The following KIRREL3 variants were observed in gnomAD, a reference collection of about 807,000 sequenced individuals.
KIRREL3 encodes kirre like nephrin family adhesion molecule 3.
In KIRREL3, 36 loss-of-function variants were observed where a neutral mutation model predicts 89.7. The observed-to-expected ratio is 0.40, with a 90% CI of 0.31 to 0.53. KIRREL3 has a LOEUF of 0.53. Among genes scored for constraint, KIRREL3 ranks in the 20% least tolerant of loss-of-function variants. The pLI is 0.49. For missense variants in KIRREL3, 864 were observed against 1,056.6 expected (o/e 0.82, Z 2.53); for synonymous variants, 445 against 441.4 (o/e 1.01, Z -0.10).
intron 1 of KIRREL3, among the ~76,000 whole-genome samples, chr11:126,581,037 A>G (rs1941520265): frequency 6.6e-6 from 1 of 152,090 alleles, no homozygotes; most frequent in Non-Finnish European, 1.5e-5. Context: ...TTCTCAAACC[A>G]TGCCTGCAAT....
chr11:126,919,041 T>C lies in KIRREL3; in HGVS notation c.55+81414A>G, dbSNP rs554493235. Among the ~76,000 whole-genome samples, 3 of 150,514 alleles carry C rather than the reference T, an allele frequency of 2.0e-5. No individual in the cohort carries two copies. The East Asian group carries it at 5.8e-4, about 29-fold the overall frequency. On this transcript the variant is annotated intron_variant, in intron 1 of 16. Coordinates refer to ENST00000525144, the MANE Select transcript of KIRREL3 (RefSeq NM_032531.4). ...TGTATTATTATGTGTATTAATACTA[T>C]ATTATATATAATATGATGTATTGCT...
chr11:126,568,591 G>T lies in KIRREL3; in HGVS notation c.56-5679C>A, dbSNP rs1434849107. Among the ~76,000 whole-genome samples, 3 of 152,212 alleles carry T rather than the reference G, an allele frequency of 2.0e-5. No individual in the cohort carries two copies. The highest frequency in any genetic ancestry group is 7.2e-5 in the African/African-American group (3 of 41,456). ...CAGGGAGGCCACATGGGGCAGGGGA[G>T]GTTTCAGAACTAACAGAGCTGGCTG... On this transcript the variant is annotated intron_variant, in intron 1 of 16. Transcript: ENST00000525144. This position sits in a 1 kb window ranked among gnomAD's most constrained non-coding sequence, Gnocchi z 4.6.
intron 1 of KIRREL3, among the ~76,000 whole-genome samples, chr11:126,706,207 AT>A (rs1400539293): frequency 1.3e-5 from 2 of 152,190 alleles, no homozygotes; most frequent in Non-Finnish European, 2.9e-5. Context: ...CAGTGGCTAT[AT>A]TTTGGGATAG....
At position 126,459,024 on chromosome 11, in the gene KIRREL3, G is replaced by A. The variant is rs570710091; in HGVS notation, c.743-2570C>T. Among the ~76,000 whole-genome samples the A allele has an allele frequency of 1.3e-4, 20 of 152,328 alleles. No homozygotes were observed. In the South Asian group the frequency reaches 3.5e-3, roughly 27 times the overall value. ...CTCAGGGAGGAGCCTGCATCTCGCC[G>A]TGGGTTGGAGAAGTGGAGGTGGGGC... is the stretch of plus-strand genomic sequence containing the variant. On this transcript the variant is annotated intron_variant, in intron 6 of 16. Coordinates refer to ENST00000525144, the MANE Select transcript of KIRREL3 (RefSeq NM_032531.4). The surrounding 1 kb of genome is among the most constrained non-coding windows in gnomAD (Gnocchi z 4.8).
chr11:126,815,643 C>G (rs1951542604), intron 1 of KIRREL3, among the ~76,000 whole-genome samples: 2 of 152,172 alleles, frequency 1.3e-5, no homozygotes, highest in African/African-American at 4.8e-5. Context: ...ACGCCATTCT[C>G]CTGCCTCAGC....
In KIRREL3 at chr11:126,943,401, A is replaced by C. The variant is rs1948519660; in HGVS notation, c.55+57054T>G. Reference sequence around the variant, plus strand: ...CTCCTCGGAACAATCTGATACCATTATCACTGACATCATCAAAAGAAGTTC... The same window carrying C: ...CTCCTCGGAACAATCTGATACCATTCTCACTGACATCATCAAAAGAAGTTC... On this transcript the variant is annotated intron_variant, in intron 1 of 16. Coordinates refer to ENST00000525144, the MANE Select transcript of KIRREL3 (RefSeq NM_032531.4). This position sits in a 1 kb window ranked among gnomAD's most constrained non-coding sequence, Gnocchi z 4.2. 6.6e-6 allele frequency among the ~76,000 whole-genome samples: 1 copy of C among 152,224 alleles called. No homozygotes were observed. The highest frequency in any genetic ancestry group is 2.1e-4 in the South Asian group (1 of 4,832).
chr11:126,621,345 G>GA (rs1354798905), intron 1 of KIRREL3, among the ~76,000 whole-genome samples: 1 of 152,142 alleles, frequency 6.6e-6, no homozygotes, highest in Non-Finnish European at 1.5e-5. Flanking sequence ...CCAGCTAAAG[G>GA]AAAAATAGGA....
chr11:126,716,843 T>C (rs1257387335), intron 1 of KIRREL3, among the ~76,000 whole-genome samples: 2 of 151,922 alleles, frequency 1.3e-5, no homozygotes, highest in African/African-American at 4.8e-5. Context: ...ATCCACCCAT[T>C]ATTTGCAGTG....
rs555939901 is a variant in KIRREL3 at position 126,776,919 on chromosome 11, G to A, written c.56-214007C>T. ...CGGTGCCCATGGGAAGCCTCCAAAA[G>A]TCTTGAAAGTTTGGATTTGCAATCA... On this transcript the variant is annotated intron_variant, in intron 1 of 16. Coordinates refer to ENST00000525144, the MANE Select transcript of KIRREL3 (RefSeq NM_032531.4). This position sits in a 1 kb window ranked among gnomAD's most constrained non-coding sequence, Gnocchi z 4.7. Among the ~76,000 whole-genome samples, 39 of 152,320 alleles carry A rather than the reference G, an allele frequency of 2.6e-4. 1 individual carries two copies. In the South Asian group the frequency reaches 7.5e-3, roughly 29 times the overall value.
intron 1 of KIRREL3, among the ~76,000 whole-genome samples, chr11:126,928,917 G>A (rs1010867365): frequency 6.6e-6 from 1 of 152,150 alleles, no homozygotes; most frequent in Non-Finnish European, 1.5e-5. Flanking sequence ...TGGGAGCCAT[G>A]AGCAAACCCA....
chr11:126,888,536 C>A (rs1945787007), intron 1 of KIRREL3, among the ~76,000 whole-genome samples: 1 of 152,166 alleles, frequency 6.6e-6, no homozygotes, highest in East Asian at 1.9e-4. Context: ...AGACCAGAGG[C>A]CCTGAATCAG....
At chr11:126,947,630 G>A (rs1479751211) in intron 1 of KIRREL3, among the ~76,000 whole-genome samples, 1 of 152,210 alleles carries the variant, frequency 6.6e-6, no homozygotes, top group Non-Finnish European at 1.5e-5. Context: ...AGAACTTTGA[G>A]TCAGATTTTC....
intron 1 of KIRREL3, among the ~76,000 whole-genome samples, chr11:126,648,841 T>C (rs1944795312): frequency 6.6e-6 from 1 of 152,232 alleles, no homozygotes; most frequent in Admixed American, 6.5e-5. Context: ...AAAATTCATT[T>C]TGCCTGGTTG....
rs991328659 is a variant in KIRREL3 at position 126,696,204 on chromosome 11, C to A, written c.56-133292G>T. On this transcript the variant is annotated intron_variant, in intron 1 of 16. Coordinates refer to ENST00000525144, the MANE Select transcript of KIRREL3 (RefSeq NM_032531.4). The surrounding 1 kb of genome is among the most constrained non-coding windows in gnomAD (Gnocchi z 4.4). ...CCTGAGTGGCAGAGGTTGCAGTGAG[C>A]CAACATCCCGCCACTCCACTCCAGC... Among the ~76,000 whole-genome samples the A allele has an allele frequency of 8.2e-4, 124 of 151,636 alleles. No homozygotes were observed. Among genetic ancestry groups the A allele is most frequent in the Non-Finnish European group, 1.4e-3 (96 of 67,894 alleles).
At position 126,740,908 on chromosome 11, in the gene KIRREL3, TA is replaced by T. The variant is rs948105508; in HGVS notation, c.56-177997del. Among the ~76,000 whole-genome samples, 5 of 152,116 alleles carry T rather than the reference TA, an allele frequency of 3.3e-5. No individual in the cohort carries two copies. Among genetic ancestry groups the T allele is most frequent in the African/African-American group, 1.2e-4 (5 of 41,424 alleles). ...ATTGTTCCATGAGAGTCCCCCATGG[TA>T]GAGTGAGTGACAAGGTTCTTGGAAA... On this transcript the variant is annotated intron_variant, in intron 1 of 16. Transcript: ENST00000525144. This position sits in a 1 kb window ranked among gnomAD's most constrained non-coding sequence, Gnocchi z 6.0.
intron 1 of KIRREL3, among the ~76,000 whole-genome samples, chr11:126,657,726 C>T (rs554892217): frequency 6.6e-6 from 1 of 152,176 alleles, no homozygotes; most frequent in Non-Finnish European, 1.5e-5. Flanking sequence ...TGCACATGGT[C>T]TGGGTGGACC....
chr11:126,588,303 A>C (rs1228758844), intron 1 of KIRREL3, among the ~76,000 whole-genome samples: 1 of 152,210 alleles, frequency 6.6e-6, no homozygotes, highest in Non-Finnish European at 1.5e-5. Context: ...CCAGTTTCCT[A>C]ATCCACAAAA....
At chr11:126,600,609 G>T (rs1242527378) in intron 1 of KIRREL3, among the ~76,000 whole-genome samples, 2 of 152,098 alleles carry the variant, frequency 1.3e-5, no homozygotes, top group Non-Finnish European at 2.9e-5. Context: ...TCAAATCTAT[G>T]GGTGGTGCAA....
chr11:126,511,797 A>G (rs1043144177), intron 4 of KIRREL3, among the ~76,000 whole-genome samples: 1 of 152,192 alleles, frequency 6.6e-6, no homozygotes, highest in Non-Finnish European at 1.5e-5. Flanking sequence ...TCATGCTGTA[A>G]TGGAGATTCA....
Sources: allele counts gnomAD v4.1 joint callset (sites outside exome capture counted in the v4.1 genomes callset), GRCh38; gene constraint gnomAD v4.1.1; non-coding constraint Gnocchi (gnomAD v3.1); transcripts MANE v1.5; gene names NCBI Gene and HGNC (gene_info 2026-07-23, HGNC 2026-07-21).